The following DYSF variants were observed in gnomAD, a reference collection of about 807,000 sequenced individuals.
DYSF encodes the protein dysferlin.
Under a neutral mutation model 274.9 loss-of-function variants are expected in DYSF, and 212 were observed. That is an observed-to-expected ratio of 0.77 (90% CI 0.69 to 0.86). DYSF has a LOEUF of 0.86. DYSF is among the 40% of genes least tolerant of loss of function. The probability of loss-of-function intolerance (pLI) is 0.00; values close to 1 mark genes in which losing one functional copy is unlikely to be tolerated. For missense variants in DYSF, 2,666 were observed against 2,783.2 expected, an observed-to-expected ratio of 0.96 and a Z score of 0.95; for synonymous variants, 1,091 against 1,078.7, an observed-to-expected ratio of 1.01 and a Z score of -0.22.
intron 40 of DYSF, among the ~76,000 whole-genome samples, chr2:71,619,897 AGGGAGATTGATTCACAGTACT>A (rs1385353899): frequency 6.6e-6 from 1 of 152,180 alleles, no homozygotes; most frequent in Non-Finnish European, 1.5e-5. Context: ...TTCACAGTAC[AGGGAGATTGATTCACAGTACT>A]GGGAGATTGT....
intron 30 of DYSF, among the ~76,000 whole-genome samples, chr2:71,588,441 G>A (rs1222111537): frequency 6.6e-6 from 1 of 152,160 alleles, no homozygotes; most frequent in Non-Finnish European, 1.5e-5. Flanking sequence ...AGTAGTGGCA[G>A]TGGTGTCTTG....
intron 14 of DYSF, among the ~76,000 whole-genome samples, chr2:71,534,373 C>G (rs72827533): frequency 6.6e-6 from 1 of 152,110 alleles, no homozygotes; most frequent in African/African-American, 2.4e-5. Context: ...CCTGGTGTTC[C>G]TTATGGACTC....
At chr2:71,620,147 G>T (rs1196916497) in intron 40 of DYSF, among the ~76,000 whole-genome samples, 1 of 152,198 alleles carries the variant, frequency 6.6e-6, no homozygotes, top group African/African-American at 2.4e-5. Flanking sequence ...TTAGGATGCT[G>T]GGGTTGGAGT....
chr2:71,488,724 C>G (rs1051481619), intron 3 of DYSF, among the ~76,000 whole-genome samples: 7 of 152,158 alleles, frequency 4.6e-5, no homozygotes, highest in African/African-American at 1.7e-4. Context: ...CCTTTAAAGA[C>G]GCTCTCTTAG....
At chr2:71,460,051 A>G (rs1428299173) in intron 1 of DYSF, among the ~76,000 whole-genome samples, 1 of 152,166 alleles carries the variant, frequency 6.6e-6, no homozygotes. Context: ...GGTGGGATGC[A>G]GATCTAGCTA....
chr2:71,512,633 T>TG (rs1327766174), intron 5 of DYSF, among the ~76,000 whole-genome samples: 2 of 152,186 alleles, frequency 1.3e-5, no homozygotes, highest in Non-Finnish European at 2.9e-5. Context: ...TCCAGCCTGC[T>TG]GGGGTTGGGA....
rs149612204 is a variant in DYSF at position 71,660,681 on chromosome 2, G to T, written c.5003+30G>T. 9.8e-5 allele frequency: 155 copies of T among 1,586,644 alleles called. No individual in the cohort carries two copies. The African/African-American group carries it at 1.9e-3, about 19-fold the overall frequency. On this transcript the variant is annotated intron_variant, in intron 45 of 55. Coordinates refer to ENST00000410020, the MANE Select transcript of DYSF (RefSeq NM_001130987.2). ...ATTGGGGCATCTTGGGTCTTGGGGT[G>T]GAGGAGCCAGACAGGATAACCCACA...
intron 42 of DYSF, among the ~76,000 whole-genome samples, chr2:71,654,524 A>G (rs1262922885): frequency 2.0e-5 from 3 of 152,154 alleles, no homozygotes; most frequent in African/African-American, 7.2e-5. Flanking sequence ...GGCTCATGCC[A>G]GTAATCCCTG....
At chr2:71,634,717 C>T (rs886349246) in intron 41 of DYSF, among the ~76,000 whole-genome samples, 1 of 152,204 alleles carries the variant, frequency 6.6e-6, no homozygotes, top group Non-Finnish European at 1.5e-5. Flanking sequence ...GGCTTTCTAT[C>T]TTCCTCCTTA....
intron 2 of DYSF, 121 bp from the exon 3 acceptor site, chr2:71,481,758 C>A (rs2082928782): frequency 7.9e-6 from 6 of 758,104 alleles, no homozygotes; most frequent in Admixed American, 2.0e-5. Context: ...ATCCATCTGC[C>A]TATCCACTAG....
chr2:71,614,112 T>C (rs1028342614), intron 40 of DYSF, among the ~76,000 whole-genome samples: 1 of 152,152 alleles, frequency 6.6e-6, no homozygotes, highest in Non-Finnish European at 1.5e-5. Context: ...CCCCCGACTG[T>C]GGGCCATGGA....
intron 45 of DYSF, among the ~76,000 whole-genome samples, chr2:71,663,405 G>A (rs2094937357): frequency 6.6e-6 from 1 of 152,216 alleles, no homozygotes; most frequent in South Asian, 2.1e-4. Flanking sequence ...CCCTCTGGGG[G>A]TCTCACAGGG....
chr2:71,665,274 C>T lies in DYSF; in HGVS notation c.5287C>T (p.Gln1763Ter), dbSNP rs745680174. The T allele has an allele frequency of 1.2e-6, 2 of 1,614,166 alleles. No homozygotes were observed. The highest frequency in any genetic ancestry group is 2.2e-5 in the South Asian group (2 of 91,078). ...GTACCGGACAGACCGTGTAATGTTT[C>T]AGGATAAAGAATATTCCATTGAAGA... ...PVYRTDRVMF[Q>*]DKEYSIEEIE... The change falls in exon 47 of 56, where the codon CAG (glutamine) becomes TAG (stop). Residue 1763 changes from glutamine (Q) to a stop codon, truncating the protein, a stop_gained. Coordinates refer to ENST00000410020, the MANE Select transcript of DYSF (RefSeq NM_001130987.2). LOFTEE classifies it high-confidence loss of function.
chr2:71,566,750 A>G (rs2092133703), intron 24 of DYSF, among the ~76,000 whole-genome samples: 1 of 152,220 alleles, frequency 6.6e-6, no homozygotes, highest in South Asian at 2.1e-4. Flanking sequence ...GCGAACAGCC[A>G]TGGAGAGGTT....
At chr2:71,638,130 T>C (rs970274389) in intron 41 of DYSF, among the ~76,000 whole-genome samples, 1 of 152,014 alleles carries the variant, frequency 6.6e-6, no homozygotes, top group African/African-American at 2.4e-5. Context: ...AAAAAAAAAA[T>C]TGAACTCTTA....
At chr2:71,458,193 T>C (rs2081148609) in intron 1 of DYSF, among the ~76,000 whole-genome samples, 1 of 152,232 alleles carries the variant, frequency 6.6e-6, no homozygotes, top group African/African-American at 2.4e-5. Context: ...AGTTTATGTG[T>C]TAGTCCATAT....
rs1158740804 is a variant in DYSF at position 71,466,826 on chromosome 2, G to C, written c.-17G>C. 1 of 1,506,498 alleles carries C rather than the reference G, an allele frequency of 6.6e-7. No homozygotes were observed. Among genetic ancestry groups the C allele is most frequent in the Admixed American group, 2.0e-5 (1 of 49,888 alleles). The allele number at this position is 1,506,498 out of a possible 1,614,324, so 93.3% of individuals were successfully genotyped here. ...CGCCCTGACTGCGCGCCTGTGTGCC[G>C]CCGGGGCTGCCCAGCCATGCTGTGC... On this transcript the variant is annotated 5_prime_UTR_variant, in exon 1 of 56. Transcript: ENST00000410020.
intron 1 of DYSF, among the ~76,000 whole-genome samples, chr2:71,479,726 G>A (rs4852788): frequency 0.77 from 117,680 of 152,114 alleles, 46,708 homozygotes; most frequent in East Asian, 0.94. Flanking sequence ...GCCGTGCATC[G>A]TCTGGGGCAC....
intron 33 of DYSF, 112 bp downstream of exon 33, chr2:71,598,857 C>T (rs562081713): frequency 1.1e-4 from 136 of 1,245,882 alleles, no homozygotes; most frequent in African/African-American, 9.8e-4. Flanking sequence ...CCTAACTCCA[C>T]GGGCCCTAGA....
Sources: gnomAD v4.1 joint callset for allele counts (sites outside exome capture counted in the v4.1 genomes callset) on GRCh38, gnomAD v4.1.1 for gene constraint, MANE v1.5 for transcripts, NCBI Gene and HGNC (gene_info 2026-07-23, HGNC 2026-07-21) for gene names.